GBF1: variants seen among roughly 807,000 people sequenced by gnomAD.
GBF1 encodes the protein Golgi-specific brefeldin A-resistance guanine nucleotide exchange factor 1.
GBF1 carries 114 observed loss-of-function variants against 210.5 expected under a neutral mutation model. The observed-to-expected ratio is 0.54, with a 90% CI of 0.47 to 0.63. The LOEUF (loss-of-function observed/expected upper bound fraction) is 0.63, where lower values mean the gene tolerates loss of function less well. Among genes scored for constraint, GBF1 ranks in the 30% least tolerant of loss-of-function variants. The pLI is 0.00. For missense variants in GBF1, 1,851 were observed against 2,357.7 expected (o/e 0.79, Z 4.45); for synonymous variants, 850 against 889.2 (o/e 0.96, Z 0.78).
intron 1 of GBF1, among the ~76,000 whole-genome samples, chr10:102,256,533 T>G (rs961900495): frequency 9.4e-5 from 9 of 95,556 alleles, no homozygotes; most frequent in South Asian, 4.3e-4. Flanking sequence ...TTTTTTTTTT[T>G]GGGATGGAGT....
At chr10:102,243,801 G>A (rs1021902526), upstream of GBF1, among the ~76,000 whole-genome samples, 4 of 152,168 alleles carry the variant, frequency 2.6e-5, no homozygotes, top group Non-Finnish European at 5.9e-5. Flanking sequence ...TTACTGAGGG[G>A]TTCTTCACGT....
At chr10:102,360,946 G>T in intron 12 of GBF1, 76 bp from the exon 13 acceptor site, 1 of 781,074 alleles carries the variant, frequency 1.3e-6, no homozygotes. Context: ...CTGCACTCCA[G>T]CGTGGGCAAC....
intron 7 of GBF1, among the ~76,000 whole-genome samples, chr10:102,352,830 A>C (rs2059083759): frequency 6.6e-6 from 1 of 152,176 alleles, no homozygotes; most frequent in South Asian, 2.1e-4. Context: ...AGCCAAACTC[A>C]AGGGATCATG....
intron 3 of GBF1, among the ~76,000 whole-genome samples, chr10:102,310,909 T>C (rs2078361558): frequency 6.6e-6 from 1 of 152,260 alleles, no homozygotes; most frequent in Non-Finnish European, 1.5e-5. Flanking sequence ...TCAGCATTCC[T>C]GGAGCCTGAT....
intron 1 of GBF1, among the ~76,000 whole-genome samples, chr10:102,250,131 G>A (rs953174660): frequency 6.6e-6 from 1 of 152,140 alleles, no homozygotes; most frequent in Non-Finnish European, 1.5e-5. Flanking sequence ...AGACACAAAG[G>A]CATCATGAAA....
intron 10 of GBF1, 183 bp from the exon 11 acceptor site, chr10:102,359,084 G>A (rs2059447404): frequency 1.6e-6 from 1 of 610,054 alleles, no homozygotes; most frequent in Non-Finnish European, 2.9e-6. Context: ...CTCAGGAGAT[G>A]TTTTTCTGAG....
intron 3 of GBF1, among the ~76,000 whole-genome samples, chr10:102,264,870 T>A (rs1365169047): frequency 6.6e-6 from 1 of 152,208 alleles, no homozygotes; most frequent in East Asian, 1.9e-4. Context: ...GTCCTGGCCT[T>A]AGGGGCAGAA....
chr10:102,278,575 T>C lies in GBF1; in HGVS notation c.163+18459T>C, dbSNP rs182274863. Among the ~76,000 whole-genome samples, 7 of 152,276 alleles carry C rather than the reference T, an allele frequency of 4.6e-5. No homozygotes were observed. The South Asian group carries it at 8.3e-4, about 18-fold the overall frequency. On this transcript the variant is annotated intron_variant, in intron 3 of 39. Coordinates refer to ENST00000369983, the MANE Select transcript of GBF1 (RefSeq NM_001377137.1). ...TTTGATACATGAGTACAATGTGTAA[T>C]GATTGTATTTAGGATATCTATCACC...
the GBF1 span, chr10:102,230,982 C>T: frequency 2.5e-6 from 4 of 1,606,108 alleles, no homozygotes; most frequent in Non-Finnish European, 3.4e-6. Flanking sequence ...AGCCGGGGTA[C>T]ACCTCCTCGT....
Position 102,353,652 on chromosome 10 carries a change from A to G in GBF1, c.637A>G (p.Lys213Glu). 6.2e-7 allele frequency: 1 copy of G among 1,607,126 alleles called. No individual in the cohort carries two copies. The highest frequency in any genetic ancestry group is 8.5e-7 in the Non-Finnish European group (1 of 1,173,616). Residue 213 changes from lysine (K) to glutamate (E), a missense_variant and splice_region_variant, in exon 8 of 40, where the codon AAG becomes GAG. By Grantham distance (56) the Lys-to-Glu change is moderately conservative. Around this residue, in one of 3 missense-constraint regions of GBF1, gnomAD observed 804 missense variants for 958.6 expected, o/e 0.84. Coordinates refer to ENST00000369983, the MANE Select transcript of GBF1 (RefSeq NM_001377137.1). ...GAACTATGTGGGGACCAACATGAAG[A>G]AGGTATGATCTGAGAGCTGATCTGC... ...PKNYVGTNMK[K>E]LKMRAGGMSD...
intron 3 of GBF1, among the ~76,000 whole-genome samples, chr10:102,339,280 T>G (rs2058005299): frequency 6.6e-6 from 1 of 152,070 alleles, no homozygotes; most frequent in Admixed American, 6.6e-5. Context: ...TGAGAATCAC[T>G]TGAACCCGGG....
chr10:102,286,033 C>A (rs2075907908), intron 3 of GBF1, among the ~76,000 whole-genome samples: 1 of 152,090 alleles, frequency 6.6e-6, no homozygotes, highest in Non-Finnish European at 1.5e-5. Flanking sequence ...ACTTACCTTC[C>A]TCCTTTCCCC....
intron 4 of GBF1, among the ~76,000 whole-genome samples, chr10:102,348,534 G>A (rs1478913300): frequency 6.6e-6 from 1 of 152,244 alleles, no homozygotes. Flanking sequence ...GGTTTCCTAT[G>A]TGGGCCCTGG....
Position 102,260,108 on chromosome 10 carries a change from G to A in GBF1, c.155G>A (p.Ser52Asn). The part of the protein sequence containing the change: ...SFGHLKEVLN[S>N]ITELSEIEPN... ...GGTCATCTAAAGGAGGTTTTAAACA[G>A]TATAACAGGTAAGTCTCCATATGTA... The change falls in exon 3 of 40, where the codon AGT becomes AAT. Residue 52 changes from serine (S) to asparagine (N), a missense_variant. This residue lies in a region of GBF1 where 804 missense variants were observed against 958.6 expected (regional missense o/e 0.84). Coordinates refer to ENST00000369983, the MANE Select transcript of GBF1 (RefSeq NM_001377137.1). 6.6e-7 allele frequency: 1 copy of A among 1,512,866 alleles called. No individual in the cohort carries two copies. Among genetic ancestry groups the A allele is most frequent in the Non-Finnish European group, 9.2e-7 (1 of 1,088,750 alleles). 93.7% of individuals were successfully genotyped at this position (1,512,866 alleles called of 1,614,324 possible).
intron 3 of GBF1, among the ~76,000 whole-genome samples, chr10:102,290,415 T>A (rs947469600): frequency 6.6e-6 from 1 of 152,166 alleles, no homozygotes; most frequent in Non-Finnish European, 1.5e-5. Context: ...TTAACTATCC[T>A]TTTTAAATTT....
chr10:102,301,287 C>T (rs546818953), intron 3 of GBF1, among the ~76,000 whole-genome samples: 7 of 152,198 alleles, frequency 4.6e-5, no homozygotes, highest in South Asian at 2.1e-4. Flanking sequence ...TCAGAGAGCA[C>T]GGGGTTGGGG....
chr10:102,270,176 C>A (rs1341553300), intron 3 of GBF1, among the ~76,000 whole-genome samples: 4 of 150,694 alleles, frequency 2.7e-5, no homozygotes, highest in Non-Finnish European at 4.4e-5. Flanking sequence ...CTGCACCCGG[C>A]CTTTTTTTTT....
chr10:102,231,982 G>A, the GBF1 span: 1 of 1,610,344 alleles, frequency 6.2e-7, no homozygotes, highest in Non-Finnish European at 8.5e-7. Flanking sequence ...CCTGGCCCTT[G>A]CAGCCGTGCT....
chr10:102,230,895 C>T, the GBF1 span: 2 of 1,611,212 alleles, frequency 1.2e-6, no homozygotes, highest in Non-Finnish European at 1.7e-6. Flanking sequence ...CCACGTTGAC[C>T]GAGTTGAAGG....
Sources: allele counts gnomAD v4.1 joint callset (sites outside exome capture counted in the v4.1 genomes callset), GRCh38; gene constraint gnomAD v4.1.1; regional missense constraint gnomAD v4.1.1; transcripts MANE v1.5; gene names NCBI Gene and HGNC (gene_info 2026-07-23, HGNC 2026-07-21).